Variants in BCL6 observed in about 807,000 individuals in gnomAD.
BCL6 encodes the protein BCL6 transcription repressor, also known as B-cell lymphoma 6 protein.
BCL6 carries 7 observed loss-of-function variants against 59.5 expected under a neutral mutation model. The observed-to-expected ratio is 0.12, with a 90% CI of 0.07 to 0.22. The LOEUF (loss-of-function observed/expected upper bound fraction) is 0.22, where lower values mean the gene tolerates loss of function less well. Ranked by LOEUF, BCL6 falls within the 10% of genes least tolerant of loss-of-function variation. The pLI is 1.00. For missense variants in BCL6, 685 were observed against 939.4 expected (o/e 0.73, Z 3.54); for synonymous variants, 339 against 349.7 (o/e 0.97, Z 0.34).
chr3:187,744,310 G>T (rs553794011), intron 1 of BCL6, among the ~76,000 whole-genome samples: 2 of 152,148 alleles, frequency 1.3e-5, no homozygotes, highest in East Asian at 1.9e-4. Context: ...CAGGTGCAGT[G>T]CGCACCCCTT....
intron 1 of BCL6, among the ~76,000 whole-genome samples, chr3:187,744,974 ACCCCCCAAGCACTGTCTCGTC>A: frequency 6.7e-6 from 1 of 150,348 alleles, no homozygotes; most frequent in African/African-American, 2.4e-5. Flanking sequence ...AGCCCGAATC[ACCCCCCAAGCACTGTCTCGTC>A]CTCTCTGCTC....
In BCL6 at chr3:187,725,359, G is replaced by A; in HGVS notation, c.1839+140C>T. On this transcript the variant is annotated intron_variant, in intron 8 of 9. Transcript: ENST00000406870. The surrounding 1 kb of genome is among the most constrained non-coding windows in gnomAD (Gnocchi z 4.7). ...CGGGGACTGAGTGGGACTTTCTCCTGCCCGCTCTGCTCACCTGCCCGCTCC... is the reference window on the plus strand; with the variant it reads ...CGGGGACTGAGTGGGACTTTCTCCTACCCGCTCTGCTCACCTGCCCGCTCC... 6.1e-6 allele frequency: 9 copies of A among 1,479,212 alleles called. No individual in the cohort carries two copies. Among genetic ancestry groups the A allele is most frequent in the African/African-American group, 1.4e-5 (1 of 71,266 alleles). The allele number at this position is 1,479,212 out of a possible 1,614,324, so 91.6% of individuals were successfully genotyped here.
chr3:187,744,125 G>C (rs1711750838), intron 1 of BCL6, among the ~76,000 whole-genome samples: 2 of 152,056 alleles, frequency 1.3e-5, no homozygotes, highest in Admixed American at 6.6e-5. Flanking sequence ...TGCACCATGG[G>C]AAAAAATAAA....
Position 187,734,041 on chromosome 3 carries a change from T to C in BCL6, c.-10-338A>G, listed in dbSNP as rs562433114. Reference sequence around the variant, plus strand: ...CAATGGAGAGACACCGTGTTTTTTGTTTTTGTTTTTGTTTTTTGAGATGGA... The same window carrying C: ...CAATGGAGAGACACCGTGTTTTTTGCTTTTGTTTTTGTTTTTTGAGATGGA... On this transcript the variant is annotated intron_variant, in intron 2 of 9. Transcript: ENST00000406870. Among the ~76,000 whole-genome samples, 3 of 152,158 alleles carry C rather than the reference T, an allele frequency of 2.0e-5. No individual in the cohort carries two copies. The East Asian group carries it at 5.8e-4, about 29-fold the overall frequency.
At chr3:187,741,692 G>C (rs1026051950) in intron 1 of BCL6, among the ~76,000 whole-genome samples, 1 of 152,190 alleles carries the variant, frequency 6.6e-6, no homozygotes, top group Non-Finnish European at 1.5e-5. Context: ...AAACCGGCAC[G>C]CGCCATTCGA....
At chr3:187,745,188 A>T (rs1354144180) in intron 1 of BCL6, among the ~76,000 whole-genome samples, 1 of 152,324 alleles carries the variant, frequency 6.6e-6, no homozygotes, top group East Asian at 1.9e-4. Context: ...AATCTTCGGC[A>T]TTTATTTTAA....
At chr3:187,744,510 T>C (rs1711786172) in intron 1 of BCL6, among the ~76,000 whole-genome samples, 2 of 151,814 alleles carry the variant, frequency 1.3e-5, no homozygotes, top group African/African-American at 2.4e-5. Flanking sequence ...CGGCTCTCAT[T>C]AGGAAGATCA....
intron 9 of BCL6, among the ~76,000 whole-genome samples, chr3:187,722,993 C>G (rs56091972): frequency 6.6e-6 from 1 of 152,216 alleles, no homozygotes; most frequent in Non-Finnish European, 1.5e-5. Flanking sequence ...CTTTACCACA[C>G]AGCCCTCCGT....
chr3:187,725,226 CCACTCTGCT>C lies in BCL6; in HGVS notation c.1840-157_1840-149del. On this transcript the variant is annotated intron_variant, in intron 8 of 9. Coordinates refer to ENST00000406870, the MANE Select transcript of BCL6 (RefSeq NM_001706.5). The surrounding 1 kb of genome is among the most constrained non-coding windows in gnomAD (Gnocchi z 4.7). ...GGGACTGAGTGGGCCTTTCTGCTGCCCACTCTGCTCACCTGCCCACTCCTCTGCTCACCT... is the reference window on the plus strand; with the variant it reads ...GGGACTGAGTGGGCCTTTCTGCTGCCCACCTGCCCACTCCTCTGCTCACCT... The C allele has an allele frequency of 7.5e-7, 1 of 1,329,446 alleles. No homozygotes were observed. Among genetic ancestry groups the C allele is most frequent in the Non-Finnish European group, 1.0e-6 (1 of 966,738 alleles). 82.4% of individuals were successfully genotyped at this position (1,329,446 alleles called of 1,614,324 possible). A position where few individuals can be genotyped will look rare whatever the true frequency, so the allele number is the denominator to read the frequency against.
chr3:187,744,555 A>C (rs1711792081), intron 1 of BCL6, among the ~76,000 whole-genome samples: 1 of 152,300 alleles, frequency 6.6e-6, no homozygotes, highest in Non-Finnish European at 1.5e-5. Context: ...ACGATACTTC[A>C]TCTCATCTGG....
At chr3:187,739,004 G>A (rs1711504440) in intron 1 of BCL6, among the ~76,000 whole-genome samples, 1 of 152,140 alleles carries the variant, frequency 6.6e-6, no homozygotes, top group African/African-American at 2.4e-5. Flanking sequence ...GCTAGAGAGA[G>A]CCCTCCATCA....
At position 187,733,705 on chromosome 3, in the gene BCL6, T is replaced by C; in HGVS notation, c.-10-2A>G. ...GCCGGCGAGGCCATTTTGTCTTCACTTGAAAAAAGAGGCCAAAATCCTGTT... is the reference window on the plus strand; with the variant it reads ...GCCGGCGAGGCCATTTTGTCTTCACCTGAAAAAAGAGGCCAAAATCCTGTT... On this transcript the variant is annotated splice_acceptor_variant, in intron 2 of 9. Coordinates refer to ENST00000406870, the MANE Select transcript of BCL6 (RefSeq NM_001706.5). LOFTEE classifies it low-confidence loss of function (5UTR_SPLICE). The C allele has an allele frequency of 1.2e-6, 2 of 1,613,946 alleles. No individual in the cohort carries two copies. The highest frequency in any genetic ancestry group is 2.2e-5 in the East Asian group (1 of 44,876).
At chr3:187,745,219 T>A (rs549330591) in intron 1 of BCL6, among the ~76,000 whole-genome samples, 191 bp downstream of exon 1, 5 of 152,044 alleles carry the variant, frequency 3.3e-5, no homozygotes, top group Middle Eastern at 3.4e-3. Context: ...CTAGAATAAA[T>A]AAATATATAC....
At chr3:187,740,671 G>GTC (rs1385843103) in intron 1 of BCL6, among the ~76,000 whole-genome samples, 1 of 152,140 alleles carries the variant, frequency 6.6e-6, no homozygotes, top group Admixed American at 6.5e-5. Flanking sequence ...AAGCCTCCTC[G>GTC]TCGGGCCTGT....
intron 9 of BCL6, among the ~76,000 whole-genome samples, chr3:187,722,813 C>T (rs1718490910): frequency 6.6e-6 from 1 of 152,218 alleles, no homozygotes; most frequent in African/African-American, 2.4e-5. Context: ...CCAAGTGTTG[C>T]TTCTGCCTCT....
At chr3:187,731,180 T>C (rs1443259311) in intron 4 of BCL6, among the ~76,000 whole-genome samples, 2 of 152,178 alleles carry the variant, frequency 1.3e-5, no homozygotes, top group Admixed American at 1.3e-4. Flanking sequence ...ATGTCCTGCC[T>C]AGTAGGAGCA....
rs1253230088 is a variant in BCL6 at position 187,729,953 on chromosome 3, G to C, written c.452C>G (p.Pro151Arg). ...EEFLNSRMLM[P>R]QDIMAYRGRE... The stretch of plus-strand genomic sequence containing the variant: ...ACCCCGATAGGCCATGATGTCTTGG[G>C]GCATCAGCATCCGGCTGTTGAGGAA... The change falls in exon 5 of 10, where the codon CCC becomes CGC. Residue 151 changes from proline to arginine, a missense_variant. Coordinates refer to ENST00000406870, the MANE Select transcript of BCL6 (RefSeq NM_001706.5). This position sits in a 1 kb window ranked among gnomAD's most constrained non-coding sequence, Gnocchi z 5.6. 6 of 1,611,784 alleles carry C rather than the reference G, an allele frequency of 3.7e-6. No homozygotes were observed. In the Admixed American group the frequency reaches 1.0e-4, roughly 27 times the overall value.
chr3:187,730,106 C>T, intron 4 of BCL6, 85 bp from the exon 5 acceptor site: 2 of 1,478,022 alleles, frequency 1.4e-6, no homozygotes, highest in Non-Finnish European at 1.8e-6. Context: ...TATATAACCA[C>T]ATCTGTGTTT....
chr3:187,744,511 A>G (rs1711786287), intron 1 of BCL6, among the ~76,000 whole-genome samples: 1 of 152,036 alleles, frequency 6.6e-6, no homozygotes, highest in East Asian at 2.0e-4. Context: ...GGCTCTCATT[A>G]GGAAGATCAC....
Sources: allele counts gnomAD v4.1 joint callset (sites outside exome capture counted in the v4.1 genomes callset), GRCh38; gene constraint gnomAD v4.1.1; non-coding constraint Gnocchi (gnomAD v3.1); transcripts MANE v1.5; gene names NCBI Gene and HGNC (gene_info 2026-07-23, HGNC 2026-07-21).